Variants in DDX5 observed in about 807,000 individuals in gnomAD.
DDX5 encodes the protein DEAD-box helicase 5, also known as probable ATP-dependent RNA helicase DDX5.
DDX5 carries 6 observed loss-of-function variants against 68.6 expected under a neutral mutation model. The ratio of observed to expected loss-of-function variants is 0.09; its 90% CI spans 0.05 to 0.17. The LOEUF (loss-of-function observed/expected upper bound fraction) is 0.17. Ranked by LOEUF, DDX5 falls within the 10% of genes least tolerant of loss-of-function variation. The pLI is 1.00. For missense variants in DDX5, 499 were observed against 756.1 expected, an observed-to-expected ratio of 0.66 and a Z score of 3.99; for synonymous variants, 350 against 247.0, an observed-to-expected ratio of 1.42 and a Z score of -3.91.
Position 64,501,994 on chromosome 17 carries a change from G to T in DDX5, c.1216+16C>A, listed in dbSNP as rs781967716. 1.2e-6 allele frequency: 2 copies of T among 1,612,306 alleles called. No homozygotes were observed. Among genetic ancestry groups the T allele is most frequent in the Non-Finnish European group, 1.7e-6 (2 of 1,178,980 alleles). ...TCTTCTGGGAAACCAAGCCATGAAT[G>T]CGAGTTTGTACTAACCTAGCCCTCT... is the stretch of plus-strand genomic sequence containing the variant. On this transcript the variant is annotated intron_variant, in intron 11 of 12. Transcript: ENST00000225792.
At chr17:64,503,376 C>G in intron 6 of DDX5, 28 bp from the exon 7 acceptor site, 3 of 1,614,026 alleles carry the variant, frequency 1.9e-6, no homozygotes, top group Non-Finnish European at 2.5e-6. Context: ...AGTGTAACTA[C>G]AATACCTAGG....
intron 5 of DDX5, 25 bp from the exon 6 acceptor site, chr17:64,503,596 G>C (rs373656977): frequency 3.6e-5 from 58 of 1,612,144 alleles, no homozygotes; most frequent in Admixed American, 2.7e-4. Flanking sequence ...ACAGCTTTCA[G>C]CACAAACCTG....
At position 64,498,726 on chromosome 17, in the gene DDX5, G is replaced by GA. The variant is rs1170031907; in HGVS notation, c.*1196dup. 6.6e-6 allele frequency among the ~76,000 whole-genome samples: 1 copy of GA among 152,122 alleles called. No individual in the cohort carries two copies. The highest frequency in any genetic ancestry group is 1.5e-5 in the Non-Finnish European group (1 of 68,030). ...AAAAAAAACACGTATCAGACTCTGG[G>GA]AAAACATTCAGACCCACTTCTAGCT... On this transcript the variant is annotated 3_prime_UTR_variant, in exon 13 of 13. Coordinates refer to ENST00000225792, the MANE Select transcript of DDX5 (RefSeq NM_004396.5).
intron 2 of DDX5, 22 bp from the exon 3 acceptor site, chr17:64,504,340 T>C (rs1555671718): frequency 1.3e-6 from 2 of 1,598,512 alleles, no homozygotes; most frequent in Non-Finnish European, 8.6e-7. Flanking sequence ...ATTATAACAG[T>C]CTTAAAATTC....
intron 1 of DDX5, chr17:64,505,444 G>T: frequency 1.8e-6 from 1 of 556,026 alleles, no homozygotes; most frequent in Non-Finnish European, 3.2e-6. Context: ...ACTACCGGGG[G>T]AGGAGTCCCG....
upstream of DDX5, chr17:64,506,320 G>T (rs2038521059): frequency 2.0e-6 from 3 of 1,488,962 alleles, no homozygotes; most frequent in Admixed American, 2.1e-5. Context: ...CGCTTTTATA[G>T]TCTGGACCGC....
upstream of DDX5, chr17:64,506,780 G>C (rs1330907912): frequency 1.9e-6 from 1 of 533,036 alleles, no homozygotes; most frequent in Admixed American, 3.4e-5. Flanking sequence ...CGCACCCCGG[G>C]ACCCGCCCGG....
chr17:64,506,308 G>A (rs1482492335), upstream of DDX5: 6 of 1,511,070 alleles, frequency 4.0e-6, no homozygotes, highest in South Asian at 7.5e-5. Context: ...CTTTCCGGCA[G>A]CCGCTTTTAT....
At chr17:64,505,001 G>T in intron 1 of DDX5, 159 bp from the exon 2 acceptor site, 2 of 558,336 alleles carry the variant, frequency 3.6e-6, no homozygotes, top group African/African-American at 2.7e-5. Flanking sequence ...TCTCTCAACA[G>T]CCACAGTTAA....
Position 64,503,364 on chromosome 17 carries a change from T to G in DDX5, c.650-16A>C, listed in dbSNP as rs782599264. The G allele has an allele frequency of 6.2e-7, 1 of 1,614,116 alleles. No homozygotes were observed. Among genetic ancestry groups the G allele is most frequent in the Non-Finnish European group, 8.5e-7 (1 of 1,179,978 alleles). On this transcript the variant is annotated splice_polypyrimidine_tract_variant and intron_variant, in intron 6 of 12. Coordinates refer to ENST00000225792, the MANE Select transcript of DDX5 (RefSeq NM_004396.5). ...ATTTCCACACCTTTAATTAAATACG[T>G]AAGTGTAACTACAATACCTAGGATA...
At chr17:64,500,439 G>A in intron 12 of DDX5, 110 bp downstream of exon 12, 1 of 1,521,744 alleles carries the variant, frequency 6.6e-7, no homozygotes, top group Non-Finnish European at 8.9e-7. Context: ...CAATTTTTCA[G>A]CTTAAGTTTT....
In DDX5 at chr17:64,504,140, G is replaced by A. The variant is rs549743096; in HGVS notation, c.308-24C>T. 1.4e-5 allele frequency: 23 copies of A among 1,613,550 alleles called. No individual in the cohort carries two copies. The East Asian group carries it at 1.6e-4, about 11-fold the overall frequency. On this transcript the variant is annotated intron_variant, in intron 3 of 12. Transcript: ENST00000225792. ...TGCTATAATTAGTAACAGATATTTA[G>A]TAAAAATTAGTGATGCCAAGAAAAA...
intron 1 of DDX5, 55 bp downstream of exon 1, chr17:64,506,021 C>CG: frequency 2.3e-6 from 2 of 887,022 alleles, no homozygotes; most frequent in African/African-American, 1.8e-5. Context: ...GCCACCCTGA[C>CG]CCGCCCTCCC....
chr17:64,500,090 T>C lies in DDX5; in HGVS notation c.1678A>G (p.Thr560Ala), dbSNP rs1041173723. The C allele has an allele frequency of 1.9e-6, 3 of 1,614,198 alleles. No individual in the cohort carries two copies. In the Admixed American group the frequency reaches 5.0e-5, roughly 27 times the overall value. Residue 560 changes from threonine to alanine, a missense_variant, in exon 13 of 13, where the codon ACT becomes GCT. Thr to Ala is a moderately conservative substitution (Grantham distance 58, BLOSUM62 0). Around this residue, in one of 5 missense-constraint regions of DDX5, gnomAD observed 171 missense variants for 174.8 expected, o/e 0.98. Transcript: ENST00000225792. The stretch of plus-strand genomic sequence containing the variant: ...TGGTAAGTCCCTGTTGGATTACCAG[T>C]CCTAAAACTGGTCTGTATACCAGCA... Reference protein sequence around the residue: ...VSAGIQTSFRTGNPTGTYQNG... With the variant: ...VSAGIQTSFRAGNPTGTYQNG...
chr17:64,503,758 T>C, intron 5 of DDX5, 45 bp downstream of exon 5: 1 of 1,584,654 alleles, frequency 6.3e-7, no homozygotes, highest in Non-Finnish European at 8.6e-7. Flanking sequence ...TAGTCTAAAA[T>C]CTACACATTA....
rs781960703 is a variant in DDX5, at chr17:64,503,117, A to G, written c.811-19T>C. 1.8e-4 allele frequency: 286 copies of G among 1,610,576 alleles called. No homozygotes were observed. The highest frequency in any genetic ancestry group is 2.2e-4 in the Non-Finnish European group (263 of 1,177,716). ...TATCAGGCTAATGGATTTTGGGGGG[A>G]AAAATTAGTATCAGACTCTTAAGAG... On this transcript the variant is annotated intron_variant, in intron 7 of 12. Coordinates refer to ENST00000225792, the MANE Select transcript of DDX5 (RefSeq NM_004396.5).
chr17:64,503,950 A>G (rs781855311), intron 4 of DDX5, 33 bp downstream of exon 4: 2 of 1,614,084 alleles, frequency 1.2e-6, no homozygotes, highest in Non-Finnish European at 1.7e-6. Context: ...TCTTGCATAT[A>G]TCAGATCAAC....
Position 64,506,256 on chromosome 17 carries a change from T to G in DDX5, c.-137A>C, listed in dbSNP as rs1265292452. On this transcript the variant is annotated 5_prime_UTR_variant, in exon 1 of 13. Coordinates refer to ENST00000225792, the MANE Select transcript of DDX5 (RefSeq NM_004396.5). ...GGACACCGATGACACCAGCCGAAGC[T>G]GCACTACTAGAGACCGGTAGAAATG... 1.9e-6 allele frequency: 3 copies of G among 1,546,536 alleles called. No individual in the cohort carries two copies. The highest frequency in any genetic ancestry group is 2.0e-5 in the Admixed American group (1 of 50,978).
intron 2 of DDX5, 153 bp downstream of exon 2, chr17:64,504,524 T>C: frequency 3.8e-6 from 4 of 1,059,150 alleles, no homozygotes. Context: ...CAAAGCCACC[T>C]ATATCCAAAA....
Sources: allele counts gnomAD v4.1 joint callset (sites outside exome capture counted in the v4.1 genomes callset), GRCh38; gene constraint gnomAD v4.1.1; regional missense constraint gnomAD v4.1.1; transcripts MANE v1.5; gene names NCBI Gene and HGNC (gene_info 2026-07-23, HGNC 2026-07-21).